The following AVEN variants were observed in gnomAD, a reference collection of about 807,000 sequenced individuals.
AVEN encodes the protein cell death regulator Aven.
In AVEN, 41 loss-of-function variants were observed where a neutral mutation model predicts 38.1. The observed-to-expected ratio is 1.08, with a 90% CI of 0.84 to 1.40. The LOEUF (loss-of-function observed/expected upper bound fraction) is 1.40, where lower values mean the gene tolerates loss of function less well. Ranked by LOEUF, AVEN falls within the 40% of genes most tolerant of loss-of-function variation. The pLI is 0.00. For synonymous variants in AVEN, 206 were observed against 171.8 expected, an observed-to-expected ratio of 1.20 and a Z score of -1.56; for missense variants, 605 against 438.8, an observed-to-expected ratio of 1.38 and a Z score of -3.38.
intron 4 of AVEN, chr15:34,065,580 C>T (rs1324281160): frequency 1.3e-5 from 2 of 151,960 alleles, no homozygotes; most frequent in African/African-American, 2.4e-5. Flanking sequence ...CTTGAGGGTG[C>T]GATGAAGCTG....
At chr15:34,017,054 C>T (rs929249041) in intron 1 of AVEN, among the ~76,000 whole-genome samples, 1 of 151,956 alleles carries the variant, frequency 6.6e-6, no homozygotes, top group African/African-American at 2.4e-5. Flanking sequence ...TCACCTCAGC[C>T]TGGGGAGGTC....
At chr15:34,059,756 G>T (rs561307303) in intron 5 of AVEN, among the ~76,000 whole-genome samples, 2 of 152,080 alleles carry the variant, frequency 1.3e-5, no homozygotes, top group East Asian at 1.9e-4. Flanking sequence ...TTCAAGTCTC[G>T]ACTCTTAGGT....
chr15:33,870,803 G>T (rs1597171439), intron 4 of AVEN, 132 bp downstream of exon 4: 1 of 554,154 alleles, frequency 1.8e-6, no homozygotes, highest in Non-Finnish European at 2.9e-6. Context: ...TTTACAAAAT[G>T]CTACCTTGAT....
At chr15:34,014,384 AC>A (rs55685726) in intron 1 of AVEN, among the ~76,000 whole-genome samples, 81,370 of 107,290 alleles carry the variant, frequency 0.76, 34,018 homozygotes, top group Non-Finnish European at 0.85. Context: ...AAAAAAAAAA[AC>A]AAAAACAAAA....
intron 2 of AVEN, among the ~76,000 whole-genome samples, chr15:33,970,986 G>C (rs1045217603): frequency 3.3e-5 from 5 of 151,750 alleles, no homozygotes; most frequent in Admixed American, 2.0e-4. Context: ...AACCCATTCA[G>C]AAAAGTGATT....
At chr15:33,935,253 G>T (rs186620363) in intron 2 of AVEN, among the ~76,000 whole-genome samples, 158 of 152,270 alleles carry the variant, frequency 1.0e-3, no homozygotes, top group Non-Finnish European at 1.4e-3. Flanking sequence ...AAAATTCGAG[G>T]CATCTCAGGC....
chr15:33,984,992 CT>C (rs1896360365), intron 2 of AVEN, among the ~76,000 whole-genome samples: 1 of 152,096 alleles, frequency 6.6e-6, no homozygotes, highest in African/African-American at 2.4e-5. Flanking sequence ...GAAAAGCCTC[CT>C]TGACCTTGAC....
At chr15:33,959,111 T>C (rs1420511564) in intron 2 of AVEN, among the ~76,000 whole-genome samples, 2 of 152,158 alleles carry the variant, frequency 1.3e-5, no homozygotes, top group African/African-American at 2.4e-5. Flanking sequence ...TAAAATTCCA[T>C]CTTCCCAACT....
At chr15:33,878,227 T>C (rs1404649376) in intron 2 of AVEN, among the ~76,000 whole-genome samples, 1 of 152,202 alleles carries the variant, frequency 6.6e-6, no homozygotes, top group Non-Finnish European at 1.5e-5. Context: ...GAAACGAAGA[T>C]ATGCTTTTTT....
At chr15:34,040,433 G>A (rs1899420897), upstream of AVEN, among the ~76,000 whole-genome samples, 1 of 152,170 alleles carries the variant, frequency 6.6e-6, no homozygotes, top group South Asian at 2.1e-4. Flanking sequence ...CAGACAGGGG[G>A]AACTATTGAA....
At chr15:33,969,772 G>C (rs1194453662) in intron 2 of AVEN, among the ~76,000 whole-genome samples, 1 of 151,968 alleles carries the variant, frequency 6.6e-6, no homozygotes, top group Admixed American at 6.6e-5. Context: ...TCAACAAGAG[G>C]ATAAAAAGAT....
chr15:33,933,524 C>CACACACACACACAGAGAGAGAGAG (rs1893945145), intron 2 of AVEN, among the ~76,000 whole-genome samples: 1 of 46,648 alleles, frequency 2.1e-5, no homozygotes, highest in Non-Finnish European at 4.5e-5. Context: ...CACACACACA[C>CACACACACACACAGAGAGAGAGAG]AGAGAGAGAG....
chr15:33,870,523 A>G (rs1363018577), intron 4 of AVEN, among the ~76,000 whole-genome samples: 1 of 152,214 alleles, frequency 6.6e-6, no homozygotes, highest in Non-Finnish European at 1.5e-5. Context: ...CACAGGATGT[A>G]TTACAATTTG....
intron 2 of AVEN, among the ~76,000 whole-genome samples, chr15:33,879,814 A>G (rs1157908557): frequency 6.6e-6 from 1 of 152,202 alleles, no homozygotes; most frequent in East Asian, 1.9e-4. Context: ...AATCAGATAC[A>G]GTAGCTACCT....
At chr15:34,028,927 G>T (rs932018161) in intron 1 of AVEN, among the ~76,000 whole-genome samples, 3 of 151,930 alleles carry the variant, frequency 2.0e-5, no homozygotes, top group Non-Finnish European at 4.4e-5. Context: ...AGAAAGTAAG[G>T]CAAAAAGCAG....
At chr15:34,041,956 A>G (rs1899493026), upstream of AVEN, among the ~76,000 whole-genome samples, 1 of 152,204 alleles carries the variant, frequency 6.6e-6, no homozygotes, top group Non-Finnish European at 1.5e-5. Context: ...TTCAAGGCGT[A>G]TCTTGTTTTT....
chr15:33,925,425 A>G (rs969588133), intron 2 of AVEN, among the ~76,000 whole-genome samples: 1 of 152,220 alleles, frequency 6.6e-6, no homozygotes, highest in Non-Finnish European at 1.5e-5. Context: ...TAGTGAAGAC[A>G]CTTTGGTTGA....
downstream of AVEN, among the ~76,000 whole-genome samples, chr15:33,861,898 C>G (rs918678782): frequency 4.6e-5 from 7 of 152,092 alleles, no homozygotes; most frequent in African/African-American, 1.7e-4. Flanking sequence ...GCTAGGATTA[C>G]AGGTGTGAGC....
chr15:34,074,949 A>G (rs1376396444), exon 1 of AVEN, among the ~76,000 whole-genome samples: 2 of 151,984 alleles, frequency 1.3e-5, no homozygotes, highest in African/African-American at 4.8e-5. Flanking sequence ...GAGGCCGAGG[A>G]GGGCAGATCA....
Sources: gnomAD v4.1 joint callset for allele counts (sites outside exome capture counted in the v4.1 genomes callset) on GRCh38, gnomAD v4.1.1 for gene constraint, MANE v1.5 for transcripts, NCBI Gene and HGNC (gene_info 2026-07-23, HGNC 2026-07-21) for gene names.